Variants in TBC1D32 observed in about 807,000 individuals in gnomAD.
TBC1D32 encodes the protein TBC1 domain family member 32, also known as protein broad-minded.
TBC1D32 carries 151 observed loss-of-function variants against 170.3 expected under a neutral mutation model. The ratio of observed to expected loss-of-function variants is 0.89; its 90% CI spans 0.78 to 1.01. The LOEUF is 1.01. Ranked by LOEUF, TBC1D32 falls within the 50% of genes least tolerant of loss-of-function variation. The probability of loss-of-function intolerance (pLI) is 0.00; values close to 1 mark genes in which losing one functional copy is unlikely to be tolerated. For synonymous variants in TBC1D32, 498 were observed against 488.0 expected (o/e 1.02, Z -0.27); for missense variants, 1,464 against 1,457.1 (o/e 1.00, Z -0.08).
chr6:121,270,163 A>C (rs951366064), intron 15 of TBC1D32, among the ~76,000 whole-genome samples: 4 of 152,204 alleles, frequency 2.6e-5, no homozygotes, highest in African/African-American at 9.7e-5. Context: ...GAAAGCAGGA[A>C]AGATTTAAAA....
upstream of TBC1D32, chr6:121,334,565 G>A: frequency 9.4e-7 from 1 of 1,062,588 alleles, no homozygotes; most frequent in Non-Finnish European, 1.3e-6. Flanking sequence ...GCGAGCGCCT[G>A]TGCCTGCGCC....
chr6:121,133,436 A>G (rs965986464), intron 24 of TBC1D32, among the ~76,000 whole-genome samples: 4 of 152,046 alleles, frequency 2.6e-5, no homozygotes, highest in African/African-American at 9.6e-5. Context: ...CATGTCATAT[A>G]AAGCATATGC....
intron 22 of TBC1D32, among the ~76,000 whole-genome samples, chr6:121,162,555 C>A (rs952095677): frequency 1.8e-4 from 27 of 152,074 alleles, no homozygotes; most frequent in African/African-American, 6.3e-4. Flanking sequence ...CTAGCCAGGG[C>A]AATCATGCAA....
chr6:121,274,217 C>T (rs9401387), intron 15 of TBC1D32, among the ~76,000 whole-genome samples: 97,393 of 151,680 alleles, frequency 0.64, 36,717 homozygotes, highest in Non-Finnish European at 0.84. Flanking sequence ...CCTATAGTCC[C>T]AGCTACTCGG....
At chr6:121,212,729 G>A (rs1793251193) in intron 21 of TBC1D32, among the ~76,000 whole-genome samples, 1 of 151,978 alleles carries the variant, frequency 6.6e-6, no homozygotes, top group South Asian at 2.1e-4. Flanking sequence ...CCAAAATACT[G>A]GGATTACAGG....
intron 26 of TBC1D32, among the ~76,000 whole-genome samples, chr6:121,125,899 G>A (rs1273762065): frequency 6.6e-6 from 1 of 152,152 alleles, no homozygotes; most frequent in African/African-American, 2.4e-5. Context: ...CACCGACCCA[G>A]ACAAATGCAT....
At chr6:121,170,433 T>C (rs570097841) in intron 22 of TBC1D32, 5 of 1,605,618 alleles carry the variant, frequency 3.1e-6, no homozygotes, top group Admixed American at 3.4e-5. Flanking sequence ...TCCAAGATAT[T>C]TTCTTCTTGA....
chr6:121,275,849 G>C (rs1802132515), intron 15 of TBC1D32, among the ~76,000 whole-genome samples: 1 of 152,022 alleles, frequency 6.6e-6, no homozygotes, highest in East Asian at 1.9e-4. Flanking sequence ...ATGAGGCTGG[G>C]TGAGGTGGCT....
At chr6:121,179,276 CAT>C (rs1005457737) in intron 22 of TBC1D32, among the ~76,000 whole-genome samples, 26 of 148,150 alleles carry the variant, frequency 1.8e-4, no homozygotes, top group African/African-American at 4.0e-4. Context: ...AAGACAAAAA[CAT>C]ATATATATAT....
At chr6:121,198,251 T>C (rs1359442551) in intron 22 of TBC1D32, among the ~76,000 whole-genome samples, 1 of 142,470 alleles carries the variant, frequency 7.0e-6, no homozygotes. Context: ...ATATATTATA[T>C]ATATATATAA....
At chr6:121,268,924 C>T (rs577285405) in intron 15 of TBC1D32, among the ~76,000 whole-genome samples, 282 of 152,310 alleles carry the variant, frequency 1.9e-3, no homozygotes, top group Non-Finnish European at 3.4e-3. Context: ...TCGGCAGACA[C>T]TCTGCAAGCC....
intron 30 of TBC1D32, among the ~76,000 whole-genome samples, chr6:121,104,313 G>A (rs1778465352): frequency 6.6e-6 from 1 of 151,434 alleles, no homozygotes. Context: ...AGAATATATT[G>A]GTGAAATTCA....
rs569734028 is a variant in TBC1D32 at position 121,175,071 on chromosome 6, G to A, written c.2571-14015C>T. Among the ~76,000 whole-genome samples the A allele has an allele frequency of 1.6e-3, 249 of 151,364 alleles. 2 individuals carry two copies. Among genetic ancestry groups the A allele is most frequent in the African/African-American group, 5.8e-3 (241 of 41,326 alleles). The stretch of plus-strand genomic sequence containing the variant: ...GATTTCCTGGTGAACTAATTATGAT[G>A]TAGAGTAAAAGAAGAAAGAAATCAA... On this transcript the variant is annotated intron_variant, in intron 22 of 31. Coordinates refer to ENST00000398212, the MANE Select transcript of TBC1D32 (RefSeq NM_152730.6).
intron 1 of TBC1D32, among the ~76,000 whole-genome samples, chr6:121,329,397 C>T (rs1810906316): frequency 6.6e-6 from 1 of 152,084 alleles, no homozygotes; most frequent in South Asian, 2.1e-4. Context: ...ACCTGTAATC[C>T]CAGCACTTTG....
chr6:121,158,842 T>C (rs1431545424), intron 24 of TBC1D32, among the ~76,000 whole-genome samples: 1 of 152,180 alleles, frequency 6.6e-6, no homozygotes, highest in Non-Finnish European at 1.5e-5. Context: ...TCATCTTTCA[T>C]CTTAGAATTC....
At chr6:121,150,330 C>T (rs12203221) in intron 24 of TBC1D32, among the ~76,000 whole-genome samples, 1 of 152,078 alleles carries the variant, frequency 6.6e-6, no homozygotes, top group Non-Finnish European at 1.5e-5. Flanking sequence ...TATGTTGAAC[C>T]AGCCTTGCAT....
intron 19 of TBC1D32, 26 bp downstream of exon 19, chr6:121,241,438 TA>T: frequency 6.4e-7 from 1 of 1,574,048 alleles, no homozygotes; most frequent in Non-Finnish European, 8.7e-7. Context: ...AAAATAATTA[TA>T]ATTCTAATGA....
In TBC1D32 at chr6:121,294,619, C is replaced by T. The variant is rs1805341835; in HGVS notation, c.1182G>A (p.Met394Ile). 6.2e-7 allele frequency: 1 copy of T among 1,612,664 alleles called. No individual in the cohort carries two copies. Among genetic ancestry groups the T allele is most frequent in the Non-Finnish European group, 8.5e-7 (1 of 1,179,446 alleles). Residue 394 changes from methionine (M) to isoleucine (I), a missense_variant, in exon 11 of 32, where the codon ATG (methionine) becomes ATA (isoleucine). Around this residue, in one of 3 missense-constraint regions of TBC1D32, gnomAD observed 1,363 missense variants for 1,338.1 expected, o/e 1.02. Coordinates refer to ENST00000398212, the MANE Select transcript of TBC1D32 (RefSeq NM_152730.6). ...AIQQCVQYFE[M>I]CKTRKADETL... ...TTTCATCAGCTTTCCTAGTCTTACA[C>T]ATTTCAAAGTACTGAACACACTGTT... is the stretch of plus-strand genomic sequence containing the variant.
intron 30 of TBC1D32, among the ~76,000 whole-genome samples, chr6:121,103,717 A>G (rs1778398540): frequency 6.6e-6 from 1 of 152,026 alleles, no homozygotes; most frequent in Admixed American, 6.6e-5. Flanking sequence ...CATGTACCCT[A>G]GAACTTAAAG....
Sources: gnomAD v4.1 joint callset for allele counts (sites outside exome capture counted in the v4.1 genomes callset) on GRCh38, gnomAD v4.1.1 for gene constraint, gnomAD v4.1.1 regional missense constraint, MANE v1.5 for transcripts, NCBI Gene and HGNC (gene_info 2026-07-23, HGNC 2026-07-21) for gene names.